The following RASSF5 variants were observed in gnomAD, a reference collection of about 807,000 sequenced individuals.
RASSF5 encodes the protein ras association domain-containing protein 5.
Under a neutral mutation model 40.5 loss-of-function variants are expected in RASSF5, and 25 were observed. The ratio of observed to expected loss-of-function variants is 0.62; its 90% CI spans 0.45 to 0.86. RASSF5 has a LOEUF of 0.86. Ranked by LOEUF, RASSF5 falls within the 40% of genes least tolerant of loss-of-function variation. The pLI is 0.00. For synonymous variants in RASSF5, 246 were observed against 252.4 expected (o/e 0.97, Z 0.24); for missense variants, 521 against 572.8 (o/e 0.91, Z 0.92).
intron 2 of RASSF5, among the ~76,000 whole-genome samples, chr1:206,563,131 G>T (rs1668191860): frequency 6.6e-6 from 1 of 152,174 alleles, no homozygotes; most frequent in African/African-American, 2.4e-5. Context: ...TTGTGGGCCA[G>T]ACCCGGAAAT....
At chr1:206,585,402 C>G (rs1370753149) in intron 5 of RASSF5, 107 bp downstream of exon 5, 4 of 800,012 alleles carry the variant, frequency 5.0e-6, no homozygotes, top group Non-Finnish European at 6.6e-6. Context: ...GCAGCACGGG[C>G]AGGAAGGTGA....
intron 1 of RASSF5, among the ~76,000 whole-genome samples, chr1:206,516,227 C>T (rs1443169136): frequency 1.3e-5 from 2 of 152,152 alleles, no homozygotes; most frequent in Non-Finnish European, 2.9e-5. Context: ...TAGTGCTCCT[C>T]CCAGACCATC....
intron 2 of RASSF5, chr1:206,543,480 T>C (rs893456335): frequency 4.6e-5 from 7 of 152,302 alleles, no homozygotes; most frequent in South Asian, 2.1e-4. Flanking sequence ...GATACGGAAT[T>C]GTGCAGCATG....
chr1:206,562,658 C>T lies in RASSF5; in HGVS notation c.580-20611C>T, dbSNP rs543332568. Among the ~76,000 whole-genome samples the T allele has an allele frequency of 4.6e-5, 7 of 152,246 alleles. 1 individual carries two copies. The highest frequency in any genetic ancestry group is 4.1e-4 in the South Asian group (2 of 4,832). On this transcript the variant is annotated intron_variant, in intron 2 of 5. Transcript: ENST00000579436. ...GTTACAAAAGCCAGTATTGGCCGGG[C>T]GTGGTGGCTCATGCCTGTAATCCCA...
At chr1:206,568,672 G>A (rs531806247) in intron 2 of RASSF5, among the ~76,000 whole-genome samples, 4 of 152,264 alleles carry the variant, frequency 2.6e-5, no homozygotes, top group Admixed American at 6.5e-5. Flanking sequence ...GCAGTCACCC[G>A]GGCCCTGTAC....
chr1:206,529,159 A>G, intron 1 of RASSF5: 3 of 1,510,300 alleles, frequency 2.0e-6, no homozygotes, highest in Non-Finnish European at 2.7e-6. Context: ...CAGTTCACCC[A>G]GGCCCTGGAC....
At chr1:206,517,812 T>C (rs1317836889) in intron 1 of RASSF5, among the ~76,000 whole-genome samples, 1 of 152,244 alleles carries the variant, frequency 6.6e-6, no homozygotes, top group Non-Finnish European at 1.5e-5. Context: ...CATCCGCTTC[T>C]GCTCAGGTAT....
At chr1:206,523,957 A>G (rs1224967908) in intron 1 of RASSF5, among the ~76,000 whole-genome samples, 1 of 116,992 alleles carries the variant, frequency 8.5e-6, no homozygotes, top group Admixed American at 1.1e-4. Flanking sequence ...TATAATATAT[A>G]TACCATATAT....
In RASSF5 at chr1:206,552,821, T is replaced by G. The variant is rs1667877357; in HGVS notation, c.579+14528T>G. Among the ~76,000 whole-genome samples the G allele has an allele frequency of 6.6e-6, 1 of 152,208 alleles. No individual in the cohort carries two copies. Among genetic ancestry groups the G allele is most frequent in the Admixed American group, 6.5e-5 (1 of 15,280 alleles). On this transcript the variant is annotated intron_variant, in intron 2 of 5. Coordinates refer to ENST00000579436, the MANE Select transcript of RASSF5 (RefSeq NM_182663.4). The surrounding 1 kb of genome is among the most constrained non-coding windows in gnomAD (Gnocchi z 4.1). ...AGTAGACCGTCTTATTCAATGTTGT[T>G]CTCACTAGACTGTATATTATTAGAA...
At chr1:206,533,252 C>T (rs1006301217) in intron 1 of RASSF5, among the ~76,000 whole-genome samples, 89 of 152,284 alleles carry the variant, frequency 5.8e-4, no homozygotes, top group Non-Finnish European at 9.7e-4. Context: ...CAGAAGCAGG[C>T]CTGGTAGAAG....
rs1282832816 is a variant in RASSF5 at position 206,513,689 on chromosome 1, A to T, written c.457+5630A>T. Among the ~76,000 whole-genome samples, 1 of 151,964 alleles carries T rather than the reference A, an allele frequency of 6.6e-6. No homozygotes were observed. The highest frequency in any genetic ancestry group is 1.5e-5 in the Non-Finnish European group (1 of 67,990). ...TGGGGAGATGGTTTTGCATTTAGTC[A>T]TTTTCAGTTTTTTTCCAAGACTTTT... On this transcript the variant is annotated intron_variant, in intron 1 of 5. Coordinates refer to ENST00000579436, the MANE Select transcript of RASSF5 (RefSeq NM_182663.4). This position sits in a 1 kb window ranked among gnomAD's most constrained non-coding sequence, Gnocchi z 5.0.
At chr1:206,524,860 T>TAC (rs145571972) in intron 1 of RASSF5, among the ~76,000 whole-genome samples, 2 of 150,270 alleles carry the variant, frequency 1.3e-5, no homozygotes, top group Non-Finnish European at 1.5e-5. Flanking sequence ...CATGCACACA[T>TAC]ACACACACAC....
chr1:206,556,583 A>G (rs1553401784), intron 2 of RASSF5, among the ~76,000 whole-genome samples: 1 of 152,182 alleles, frequency 6.6e-6, no homozygotes, highest in Non-Finnish European at 1.5e-5. Context: ...TGACCTGGAC[A>G]GTGTCTGCAG....
intron 2 of RASSF5, among the ~76,000 whole-genome samples, chr1:206,568,704 A>G (rs1042674439): frequency 1.3e-5 from 2 of 152,122 alleles, no homozygotes; most frequent in South Asian, 2.1e-4. Context: ...AGAACCTATA[A>G]ACTGGACTCC....
rs1461029600 is a variant in RASSF5 at position 206,588,860 on chromosome 1, CATT to C, written c.*1884_*1886del. The C allele has an allele frequency of 2.0e-5, 3 of 152,702 alleles. No individual in the cohort carries two copies. Among genetic ancestry groups the C allele is most frequent in the African/African-American group, 7.2e-5 (3 of 41,412 alleles). 9.5% of individuals were successfully genotyped at this position (152,702 alleles called of 1,614,324 possible). A position where few individuals can be genotyped will look rare whatever the true frequency, so the allele number is the denominator to read the frequency against. ...TTTCCTTCGTCCTGCATGTCTCTAA[CATT>C]AATAGAAGGCATGGCTCCTGCTGCA... is the stretch of plus-strand genomic sequence containing the variant. On this transcript the variant is annotated 3_prime_UTR_variant, in exon 6 of 6. Coordinates refer to ENST00000579436, the MANE Select transcript of RASSF5 (RefSeq NM_182663.4).
chr1:206,586,813 T>C lies in RASSF5; in HGVS notation c.1105-13T>C. 6.2e-7 allele frequency: 1 copy of C among 1,608,856 alleles called. No individual in the cohort carries two copies. Among genetic ancestry groups the C allele is most frequent in the South Asian group, 1.1e-5 (1 of 90,892 alleles). ...TTCTGTTTCTTCCCACAAATCTCCC[T>C]CTCGCCTCACAGTGGGATGCCTTCT... On this transcript the variant is annotated splice_polypyrimidine_tract_variant and intron_variant, in intron 5 of 5. Transcript: ENST00000579436.
At chr1:206,586,150 A>G (rs1035973420) in intron 5 of RASSF5, 5 of 152,324 alleles carry the variant, frequency 3.3e-5, no homozygotes, top group African/African-American at 1.2e-4. Flanking sequence ...TCACTTATCC[A>G]TAGCGAGGAC....
At chr1:206,550,362 C>T (rs903381566) in intron 2 of RASSF5, among the ~76,000 whole-genome samples, 10 of 152,226 alleles carry the variant, frequency 6.6e-5, no homozygotes, top group South Asian at 2.1e-4. Context: ...CCCAGCCTTA[C>T]GCATTGGGTA....
chr1:206,561,042 G>C (rs958321389), intron 2 of RASSF5, among the ~76,000 whole-genome samples: 1 of 152,232 alleles, frequency 6.6e-6, no homozygotes, highest in Non-Finnish European at 1.5e-5. Context: ...ATCTGAGCGG[G>C]AACACAGGCG....
Sources: gnomAD v4.1 joint callset for allele counts (sites outside exome capture counted in the v4.1 genomes callset) on GRCh38, gnomAD v4.1.1 for gene constraint, Gnocchi (gnomAD v3.1) non-coding constraint, MANE v1.5 for transcripts, NCBI Gene and HGNC (gene_info 2026-07-23, HGNC 2026-07-21) for gene names.